Variants in ESR1 observed in about 807,000 individuals in gnomAD.
ESR1 encodes the protein estrogen receptor 1, also known as estrogen receptor.
ESR1 carries 12 observed loss-of-function variants against 52.7 expected under a neutral mutation model. The observed-to-expected ratio is 0.23, with a 90% CI of 0.15 to 0.37. The LOEUF is 0.37. Ranked by LOEUF, ESR1 falls within the 10% of genes least tolerant of loss-of-function variation. The probability of loss-of-function intolerance (pLI) is 1.00; values close to 1 mark genes in which losing one functional copy is unlikely to be tolerated. For missense variants in ESR1, 584 were observed against 779.7 expected, an observed-to-expected ratio of 0.75 and a Z score of 2.99; for synonymous variants, 305 against 316.8, an observed-to-expected ratio of 0.96 and a Z score of 0.39.
rs1420793070 is a variant in ESR1, at chr6:152,053,449, A to G, written c.1236-7542A>G. On this transcript the variant is annotated intron_variant, in intron 5 of 7. Coordinates refer to ENST00000206249, the MANE Select transcript of ESR1 (RefSeq NM_000125.4). The surrounding 1 kb of genome is among the most constrained non-coding windows in gnomAD (Gnocchi z 4.1). The stretch of plus-strand genomic sequence containing the variant: ...CTCTCTTTCAATCTTTCTCTCCCTC[A>G]GTCTCTCTTTCTCTTTCCCTCTCTC... Among the ~76,000 whole-genome samples the G allele has an allele frequency of 6.7e-6, 1 of 150,074 alleles. No individual in the cohort carries two copies. Among genetic ancestry groups the G allele is most frequent in the Admixed American group, 6.6e-5 (1 of 15,074 alleles).
rs188924259 is a variant in ESR1 at position 152,098,190 on chromosome 6, A to G, written c.1554-542A>G. On this transcript the variant is annotated intron_variant, in intron 7 of 7. Transcript: ENST00000206249. The surrounding 1 kb of genome is among the most constrained non-coding windows in gnomAD (Gnocchi z 5.1). ...AGGCAGGAAGAGCTTGGAGACATGG[A>G]TGGAAGCTGGACCAGTTGGGCCTTG... 2.5e-3 allele frequency among the ~76,000 whole-genome samples: 377 copies of G among 152,244 alleles called. No individual in the cohort carries two copies. The highest frequency in any genetic ancestry group is 8.6e-3 in the African/African-American group (358 of 41,542).
intron 3 of ESR1, among the ~76,000 whole-genome samples, chr6:151,902,380 G>A (rs1443106268): frequency 3.3e-5 from 5 of 152,142 alleles, no homozygotes; most frequent in African/African-American, 1.2e-4. Flanking sequence ...AGTTAAAGTC[G>A]TACCCATCCT....
At chr6:151,666,064 CTT>C (rs1205777385) in intron 1 of ESR1, among the ~76,000 whole-genome samples, 1 of 152,152 alleles carries the variant, frequency 6.6e-6, no homozygotes, top group Non-Finnish European at 1.5e-5. Flanking sequence ...ATTTCAGTGT[CTT>C]TTCTTTGGGC....
chr6:151,799,114 C>G (rs17081692), intron 2 of ESR1, among the ~76,000 whole-genome samples: 3,037 of 152,234 alleles, frequency 0.02, 94 homozygotes, highest in African/African-American at 0.068. Context: ...TTAAGCTGAG[C>G]AAGCAAGGCC....
At chr6:151,857,169 T>C (rs1583716691) in intron 2 of ESR1, among the ~76,000 whole-genome samples, 1 of 152,090 alleles carries the variant, frequency 6.6e-6, no homozygotes, top group African/African-American at 2.4e-5. Flanking sequence ...AAATCAAAAC[T>C]ATTTGGAAAA....
At chr6:151,926,224 C>T (rs912561491) in intron 3 of ESR1, among the ~76,000 whole-genome samples, 29 of 152,102 alleles carry the variant, frequency 1.9e-4, no homozygotes, top group African/African-American at 7.0e-4. Flanking sequence ...ACCATACTGC[C>T]TTTATTACTG....
intron 2 of ESR1, among the ~76,000 whole-genome samples, chr6:151,853,936 G>A (rs1203522809): frequency 6.6e-6 from 1 of 152,136 alleles, no homozygotes; most frequent in African/African-American, 2.4e-5. Context: ...ATTATAGATA[G>A]GTTTTAATGG....
chr6:152,105,248 T>A (rs2051049304), downstream of ESR1, among the ~76,000 whole-genome samples: 1 of 152,210 alleles, frequency 6.6e-6, no homozygotes. Context: ...CTCCAATTTA[T>A]AACCAGTTGG....
chr6:151,855,624 C>A (rs1022809176), intron 2 of ESR1, among the ~76,000 whole-genome samples: 6 of 151,972 alleles, frequency 3.9e-5, no homozygotes, highest in African/African-American at 1.2e-4. Flanking sequence ...ATCCATAGAC[C>A]CTGAAATCCA....
chr6:151,659,782 TATGTG>T (rs1428592628), intron 1 of ESR1, among the ~76,000 whole-genome samples: 4 of 152,220 alleles, frequency 2.6e-5, no homozygotes, highest in African/African-American at 4.8e-5. Flanking sequence ...AAAATGAATG[TATGTG>T]ATGTACACAT....
intron 3 of ESR1, among the ~76,000 whole-genome samples, chr6:151,921,025 C>T (rs9397455): frequency 0.024 from 3,718 of 152,102 alleles, 106 homozygotes; most frequent in East Asian, 0.076. Flanking sequence ...CACCCGTCAG[C>T]TCATCACCTA....
intron 2 of ESR1, among the ~76,000 whole-genome samples, chr6:151,759,745 A>G (rs1286048264): frequency 6.6e-6 from 1 of 152,182 alleles, no homozygotes; most frequent in East Asian, 1.9e-4. Context: ...ACATTTTACA[A>G]ATATTTTTGC....
intron 1 of ESR1, among the ~76,000 whole-genome samples, chr6:151,699,451 C>T (rs1004962303): frequency 1.3e-5 from 2 of 152,142 alleles, no homozygotes; most frequent in East Asian, 3.9e-4. Flanking sequence ...TTTATCAAAA[C>T]TATTCTCAGC....
intron 5 of ESR1, among the ~76,000 whole-genome samples, chr6:152,012,348 G>GTT (rs753000352): frequency 0.023 from 3,259 of 140,222 alleles, 102 homozygotes; most frequent in East Asian, 0.14. Flanking sequence ...GGGTCCCATT[G>GTT]TTTTTTTTTT....
At chr6:152,091,046 A>G (rs2050140433) in intron 6 of ESR1, among the ~76,000 whole-genome samples, 1 of 152,186 alleles carries the variant, frequency 6.6e-6, no homozygotes, top group African/African-American at 2.4e-5. Flanking sequence ...GAGGGTCCAC[A>G]CTGTCTGCTC....
chr6:151,886,594 A>G (rs79680095), intron 3 of ESR1, among the ~76,000 whole-genome samples: 7,366 of 152,322 alleles, frequency 0.048, 292 homozygotes, highest in African/African-American at 0.1. Flanking sequence ...CAGAAGCCCA[A>G]TGAAACACTG....
intron 3 of ESR1, among the ~76,000 whole-genome samples, 162 bp downstream of exon 3, chr6:151,880,933 A>G (rs1014456544): frequency 3.3e-5 from 5 of 151,998 alleles, no homozygotes; most frequent in African/African-American, 9.7e-5. Context: ...TTCATAATCC[A>G]TTTTATTTTA....
intron 3 of ESR1, among the ~76,000 whole-genome samples, chr6:151,904,929 C>T (rs999256467): frequency 6.6e-6 from 1 of 152,140 alleles, no homozygotes; most frequent in Non-Finnish European, 1.5e-5. Context: ...CTTGCACCCA[C>T]TGAGACGATG....
chr6:152,122,540 G>C (rs1419899673), intron 6 of ESR1: 1 of 1,614,112 alleles, frequency 6.2e-7, no homozygotes. Flanking sequence ...ATTGGTACAA[G>C]GCAGGCAAGC....
Sources: allele counts gnomAD v4.1 joint callset (sites outside exome capture counted in the v4.1 genomes callset), GRCh38; gene constraint gnomAD v4.1.1; non-coding constraint Gnocchi (gnomAD v3.1); transcripts MANE v1.5; gene names NCBI Gene and HGNC (gene_info 2026-07-23, HGNC 2026-07-21).